Variants in TDP1 observed in about 807,000 individuals in gnomAD.
TDP1 encodes tyr-DNA phosphodiesterase 1.
Under a neutral mutation model 81.5 loss-of-function variants are expected in TDP1, and 64 were observed. That is an observed-to-expected ratio of 0.79 (90% CI 0.64 to 0.97). The LOEUF (loss-of-function observed/expected upper bound fraction) is 0.97. TDP1 is among the 50% of genes least tolerant of loss of function. The pLI is 0.00. For synonymous variants in TDP1, 256 were observed against 264.3 expected (o/e 0.97, Z 0.30); for missense variants, 723 against 743.8 (o/e 0.97, Z 0.33).
At chr14:90,042,953 G>GA (rs907371799) in intron 16 of TDP1, 117 bp from the exon 17 acceptor site, 1 of 1,569,320 alleles carries the variant, frequency 6.4e-7, no homozygotes, top group Non-Finnish European at 8.6e-7. Context: ...GCTTGGTTCA[G>GA]AAAATACTCT....
chr14:90,003,006 C>T (rs992540066), intron 14 of TDP1, among the ~76,000 whole-genome samples: 1 of 152,044 alleles, frequency 6.6e-6, no homozygotes, highest in Non-Finnish European at 1.5e-5. Context: ...GGCATGATTT[C>T]GGCTCACTGC....
chr14:89,984,834 TCTG>T (rs1895377322), intron 9 of TDP1, 151 bp downstream of exon 9: 1 of 1,554,190 alleles, frequency 6.4e-7, no homozygotes. Context: ...TTCTATCACA[TCTG>T]TATCTTGTGG....
chr14:90,041,506 G>A (rs137911524), intron 16 of TDP1, among the ~76,000 whole-genome samples: 1 of 152,284 alleles, frequency 6.6e-6, no homozygotes, highest in African/African-American at 2.4e-5. Context: ...TGAACAAACC[G>A]TGAGGCTGCG....
At chr14:90,031,820 A>T (rs911822650) in intron 15 of TDP1, among the ~76,000 whole-genome samples, 1 of 152,134 alleles carries the variant, frequency 6.6e-6, no homozygotes. Context: ...AACTCTGCTC[A>T]TCTTTCAGAG....
At chr14:90,037,975 T>C (rs1887991202) in intron 16 of TDP1, among the ~76,000 whole-genome samples, 1 of 152,212 alleles carries the variant, frequency 6.6e-6, no homozygotes, top group Non-Finnish European at 1.5e-5. Flanking sequence ...CATTCTACTT[T>C]GGGTTTTCCA....
At chr14:90,008,756 C>T (rs1395695656) in intron 14 of TDP1, among the ~76,000 whole-genome samples, 3 of 152,158 alleles carry the variant, frequency 2.0e-5, no homozygotes, top group Admixed American at 6.5e-5. Flanking sequence ...TGGTGTCTTG[C>T]TGTGTCACCC....
intron 7 of TDP1, among the ~76,000 whole-genome samples, chr14:89,978,243 C>G (rs533045219): frequency 5.3e-5 from 8 of 152,366 alleles, no homozygotes; most frequent in South Asian, 2.1e-4. Context: ...GCCCTGGCAT[C>G]TGGCATTTGT....
At chr14:90,024,262 G>C (rs1886404762) in intron 15 of TDP1, among the ~76,000 whole-genome samples, 1 of 152,116 alleles carries the variant, frequency 6.6e-6, no homozygotes, top group African/African-American at 2.4e-5. Context: ...TACGAGCCAG[G>C]TCCACCCTGC....
At chr14:89,965,785 A>C (rs879846171) in intron 3 of TDP1, 2 of 984,992 alleles carry the variant, frequency 2.0e-6, no homozygotes, top group Non-Finnish European at 2.4e-6. Flanking sequence ...TTGAGTTGGG[A>C]GATTTCCTGG....
intron 16 of TDP1, among the ~76,000 whole-genome samples, chr14:90,037,995 T>G (rs1887993844): frequency 6.6e-6 from 1 of 152,194 alleles, no homozygotes; most frequent in Non-Finnish European, 1.5e-5. Context: ...ACTCACCGTT[T>G]CTTTATAATT....
At chr14:89,992,216 G>C (rs34985175) in intron 13 of TDP1, among the ~76,000 whole-genome samples, 5,924 of 152,154 alleles carry the variant, frequency 0.039, 379 homozygotes, top group African/African-American at 0.13. Flanking sequence ...TTAAATATTG[G>C]CATGCCAAGA....
intron 15 of TDP1, among the ~76,000 whole-genome samples, chr14:90,020,220 T>G (rs950110716): frequency 5.9e-5 from 9 of 152,116 alleles, no homozygotes; most frequent in East Asian, 1.9e-4. Context: ...CCCAGAGAGA[T>G]ATTCTCACCA....
chr14:90,009,071 C>T (rs1179761340), intron 14 of TDP1, among the ~76,000 whole-genome samples: 1 of 152,160 alleles, frequency 6.6e-6, no homozygotes, highest in African/African-American at 2.4e-5. Context: ...TCTGAAGTTC[C>T]TGGAGGTCTA....
Position 89,989,101 on chromosome 14 carries a change from G to T in TDP1, c.1317+11G>T. 6.2e-7 allele frequency: 1 copy of T among 1,611,334 alleles called. No homozygotes were observed. The highest frequency in any genetic ancestry group is 1.7e-4 in the Middle Eastern group (1 of 5,784). Reference sequence around the variant, plus strand: ...GTTCCTCTTTACTTGGTGAGTTCTCGTCCTCATTGAGGTAGTTTACTTTTA... The same window carrying T: ...GTTCCTCTTTACTTGGTGAGTTCTCTTCCTCATTGAGGTAGTTTACTTTTA... On this transcript the variant is annotated intron_variant, in intron 11 of 16. Coordinates refer to ENST00000335725, the MANE Select transcript of TDP1 (RefSeq NM_018319.4).
At chr14:89,957,675 A>G (rs1198354402) in intron 2 of TDP1, among the ~76,000 whole-genome samples, 2 of 152,224 alleles carry the variant, frequency 1.3e-5, no homozygotes, top group African/African-American at 4.8e-5. Context: ...TTTTATATCC[A>G]CAACATGTTT....
rs1448282071 is a variant in TDP1, at chr14:90,020,415, C to T, written c.1644+997C>T. On this transcript the variant is annotated intron_variant, in intron 15 of 16. Coordinates refer to ENST00000335725, the MANE Select transcript of TDP1 (RefSeq NM_018319.4). ...GTCACTGTGGGCACACACTCAGAAT[C>T]GCCCACACGATGAGATGGCTAATGC... Among the ~76,000 whole-genome samples the T allele has an allele frequency of 6.9e-5, 9 of 131,066 alleles. No individual in the cohort carries two copies. In the South Asian group the frequency reaches 8.9e-4, roughly 13 times the overall value. 86.0% of individuals were successfully genotyped at this position (131,066 alleles called of 152,430 possible). A position where few individuals can be genotyped will look rare whatever the true frequency, so the allele number is the denominator to read the frequency against.
At chr14:90,021,278 AT>A (rs1208309177) in intron 15 of TDP1, among the ~76,000 whole-genome samples, 14 of 152,332 alleles carry the variant, frequency 9.2e-5, no homozygotes, top group Middle Eastern at 3.4e-3. Context: ...TCTTTTAGTT[AT>A]AAGATTTCAG....
At chr14:89,967,251 C>T (rs901844698) in intron 4 of TDP1, 116 bp from the exon 5 acceptor site, 4 of 1,312,686 alleles carry the variant, frequency 3.0e-6, no homozygotes, top group Admixed American at 3.4e-5. Context: ...ATAAATAATA[C>T]ATGTAGTGTA....
chr14:89,983,022 T>G, intron 8 of TDP1: 1 of 433,046 alleles, frequency 2.3e-6, no homozygotes, highest in Non-Finnish European at 4.6e-6. Flanking sequence ...ATTTGGCTCA[T>G]TATAATAATT....
Sources: allele counts gnomAD v4.1 joint callset (sites outside exome capture counted in the v4.1 genomes callset), GRCh38; gene constraint gnomAD v4.1.1; transcripts MANE v1.5; gene names NCBI Gene and HGNC (gene_info 2026-07-23, HGNC 2026-07-21).